The following N4BP2L1 variants were observed in gnomAD, a reference collection of about 807,000 sequenced individuals.
N4BP2L1 encodes the protein NEDD4 binding protein 2 like 1.
A neutral mutation model predicts 21.2 loss-of-function variants in N4BP2L1; 12 were observed. The ratio of observed to expected loss-of-function variants is 0.57; its 90% CI spans 0.36 to 0.92. N4BP2L1 has a LOEUF of 0.92. Ranked by LOEUF, N4BP2L1 falls within the 40% of genes least tolerant of loss-of-function variation. The pLI, the probability that N4BP2L1 is intolerant of heterozygous loss-of-function variation, is 0.01. For missense variants in N4BP2L1, 259 were observed against 310.6 expected, an observed-to-expected ratio of 0.83 and a Z score of 1.25; for synonymous variants, 104 against 112.8, an observed-to-expected ratio of 0.92 and a Z score of 0.49.
At position 32,402,119 on chromosome 13, in the gene N4BP2L1, G is replaced by C. The variant is rs960313872; in HGVS notation, c.*823C>G. Reference sequence around the variant, plus strand: ...TGCCGACTAATTACACATGTTAATAGGCATAATTTTAGAAGTCGTTTATTC... The same window carrying C: ...TGCCGACTAATTACACATGTTAATACGCATAATTTTAGAAGTCGTTTATTC... On this transcript the variant is annotated 3_prime_UTR_variant, in exon 5 of 5. Coordinates refer to ENST00000380130, the MANE Select transcript of N4BP2L1 (RefSeq NM_052818.3). The C allele has an allele frequency of 1.0e-6, 1 of 984,856 alleles. No homozygotes were observed. The highest frequency in any genetic ancestry group is 1.7e-5 in the African/African-American group (1 of 57,202). The allele number at this position is 984,856 out of a possible 1,614,324, so 61.0% of individuals were successfully genotyped here.
At chr13:32,427,485 C>T (rs1220125384) in intron 1 of N4BP2L1, among the ~76,000 whole-genome samples, 1 of 152,248 alleles carries the variant, frequency 6.6e-6, no homozygotes, top group Non-Finnish European at 1.5e-5. Context: ...AGAAGAGTCC[C>T]TCCCGACCTG....
rs1163472057 is a variant in N4BP2L1 at position 32,428,088 on chromosome 13, G to C, written c.-6C>G. 1 of 1,447,300 alleles carries C rather than the reference G, an allele frequency of 6.9e-7. No homozygotes were observed. The highest frequency in any genetic ancestry group is 9.1e-7 in the Non-Finnish European group (1 of 1,097,708). The allele number at this position is 1,447,300 out of a possible 1,614,324, so 89.7% of individuals were successfully genotyped here. ...TGAAGGAAACTGTCCTCCATGGGCA[G>C]GAGGGCTGGCTGCGAGAGCCCCGGG... is the stretch of plus-strand genomic sequence containing the variant. On this transcript the variant is annotated 5_prime_UTR_variant, in exon 1 of 5. Coordinates refer to ENST00000380130, the MANE Select transcript of N4BP2L1 (RefSeq NM_052818.3).
chr13:32,425,576 A>G, intron 1 of N4BP2L1: 1 of 152,238 alleles, frequency 6.6e-6, no homozygotes. Context: ...CACACATTTA[A>G]TGTTCACAAA....
intron 1 of N4BP2L1, among the ~76,000 whole-genome samples, chr13:32,411,137 G>A (rs1205347953): frequency 1.3e-5 from 2 of 152,048 alleles, no homozygotes; most frequent in Non-Finnish European, 2.9e-5. Flanking sequence ...AACAAAAACA[G>A]CACATAACAC....
At chr13:32,408,580 A>G (rs752303968) in intron 1 of N4BP2L1, among the ~76,000 whole-genome samples, 1 of 152,226 alleles carries the variant, frequency 6.6e-6, no homozygotes, top group Non-Finnish European at 1.5e-5. Context: ...TGCTCGTACT[A>G]TCTTTTGGCA....
At chr13:32,424,739 G>A (rs1332235130) in intron 1 of N4BP2L1, among the ~76,000 whole-genome samples, 2 of 152,078 alleles carry the variant, frequency 1.3e-5, no homozygotes, top group Non-Finnish European at 2.9e-5. Context: ...GCAGATTTAG[G>A]GCACATGCTA....
chr13:32,417,436 G>A (rs2074212484), intron 1 of N4BP2L1, among the ~76,000 whole-genome samples: 1 of 152,194 alleles, frequency 6.6e-6, no homozygotes, highest in African/African-American at 2.4e-5. Context: ...ATGTGAGGAT[G>A]TGTTTGCTTC....
chr13:32,407,186 C>G (rs1174069767), intron 3 of N4BP2L1, 64 bp downstream of exon 3: 4 of 1,472,274 alleles, frequency 2.7e-6, no homozygotes, highest in Non-Finnish European at 3.8e-6. Context: ...GAGGAAAGAA[C>G]AGATGCTTCA....
At chr13:32,411,744 C>T in intron 1 of N4BP2L1, 1 of 981,708 alleles carries the variant, frequency 1.0e-6, no homozygotes, top group Admixed American at 6.1e-5. Context: ...CTTGATTTCA[C>T]AACTTATTCT....
intron 1 of N4BP2L1, among the ~76,000 whole-genome samples, chr13:32,424,481 T>C (rs1212300550): frequency 6.6e-6 from 1 of 152,226 alleles, no homozygotes; most frequent in Non-Finnish European, 1.5e-5. Context: ...TGTCTTTCCA[T>C]TGGTTAATCC....
chr13:32,411,273 T>TAAC (rs932043065), intron 1 of N4BP2L1, among the ~76,000 whole-genome samples: 3 of 151,730 alleles, frequency 2.0e-5, no homozygotes, highest in African/African-American at 7.3e-5. Flanking sequence ...ATACTCTTCC[T>TAAC]AACAAACAGG....
chr13:32,405,447 C>T (rs1404891393), intron 3 of N4BP2L1, among the ~76,000 whole-genome samples: 2 of 152,094 alleles, frequency 1.3e-5, no homozygotes, highest in Admixed American at 1.3e-4. Flanking sequence ...GAAGCAGAGG[C>T]TGCAGTGAGC....
At chr13:32,417,443 C>G (rs117587086) in intron 1 of N4BP2L1, among the ~76,000 whole-genome samples, 6,693 of 152,248 alleles carry the variant, frequency 0.044, 247 homozygotes, top group African/African-American at 0.11. Context: ...GATGTGTTTG[C>G]TTCCCCTTCC....
chr13:32,423,055 C>T (rs912832233), intron 1 of N4BP2L1, among the ~76,000 whole-genome samples: 1 of 152,164 alleles, frequency 6.6e-6, no homozygotes, highest in Non-Finnish European at 1.5e-5. Flanking sequence ...TCTTTGGGGT[C>T]CAACTACTCA....
rs141148444 is a variant in N4BP2L1 at position 32,413,128 on chromosome 13, G to A, written c.180-5356C>T. ...TTTAGTAGAGATGGGGTTTTGCCAC[G>A]TTGGTCAGGCTGGTCTCCAATTCCT... is the stretch of plus-strand genomic sequence containing the variant. On this transcript the variant is annotated intron_variant, in intron 1 of 4. Transcript: ENST00000380130. 2.9e-4 allele frequency among the ~76,000 whole-genome samples: 44 copies of A among 152,212 alleles called. 1 individual carries two copies. The East Asian group carries it at 6.0e-3, about 21-fold the overall frequency.
At position 32,402,311 on chromosome 13, in the gene N4BP2L1, G is replaced by T; in HGVS notation, c.*631C>A. 1.8e-6 allele frequency: 1 copy of T among 570,942 alleles called. No individual in the cohort carries two copies. Among genetic ancestry groups the T allele is most frequent in the Non-Finnish European group, 2.2e-6 (1 of 451,760 alleles). 35.4% of individuals were successfully genotyped at this position (570,942 alleles called of 1,614,324 possible). On this transcript the variant is annotated 3_prime_UTR_variant, in exon 5 of 5. Coordinates refer to ENST00000380130, the MANE Select transcript of N4BP2L1 (RefSeq NM_052818.3). ...CCTCAGTAGCTCCTGTAGCTATTAA[G>T]GATTTGACAGCATTTTTAACAATGA... is the stretch of plus-strand genomic sequence containing the variant.
At chr13:32,410,560 G>A (rs1196179487) in intron 1 of N4BP2L1, among the ~76,000 whole-genome samples, 1 of 152,194 alleles carries the variant, frequency 6.6e-6, no homozygotes, top group Non-Finnish European at 1.5e-5. Context: ...CCGTATGAAT[G>A]TCTGTTATTC....
chr13:32,405,946 AG>A (rs368811020), intron 3 of N4BP2L1, among the ~76,000 whole-genome samples: 10 of 118,636 alleles, frequency 8.4e-5, no homozygotes, highest in African/African-American at 3.4e-4. Context: ...TCTTTCACCC[AG>A]GCTGGAGTGC....
At chr13:32,428,492 T>G (rs1465383255), upstream of N4BP2L1, among the ~76,000 whole-genome samples, 1 of 152,144 alleles carries the variant, frequency 6.6e-6, no homozygotes, top group Non-Finnish European at 1.5e-5. Flanking sequence ...TGAAATCATT[T>G]TAGCTGATGA....
Sources: allele counts gnomAD v4.1 joint callset (sites outside exome capture counted in the v4.1 genomes callset), GRCh38; gene constraint gnomAD v4.1.1; transcripts MANE v1.5; gene names NCBI Gene and HGNC (gene_info 2026-07-23, HGNC 2026-07-21).